The following FASTKD3 variants were observed in gnomAD, a reference collection of about 807,000 sequenced individuals.
The protein encoded by FASTKD3 is FAST kinase domains 3, also known as FAST kinase domain-containing protein 3, mitochondrial.
FASTKD3 carries 47 observed loss-of-function variants against 49.7 expected under a neutral mutation model. That is an observed-to-expected ratio of 0.95 (90% CI 0.75 to 1.21). The LOEUF (loss-of-function observed/expected upper bound fraction) is 1.21. FASTKD3 is among the 50% of genes most tolerant of loss of function. The pLI is 0.00. For synonymous variants in FASTKD3, 284 were observed against 288.6 expected, an observed-to-expected ratio of 0.98 and a Z score of 0.16; for missense variants, 748 against 765.7, an observed-to-expected ratio of 0.98 and a Z score of 0.27.
At position 7,868,080 on chromosome 5, in the gene FASTKD3, C is replaced by G. The variant is rs757877129; in HGVS notation, c.4G>C (p.Ala2Pro). 10 of 1,576,732 alleles carry G rather than the reference C, an allele frequency of 6.3e-6. No homozygotes were observed. Among genetic ancestry groups the G allele is most frequent in the Non-Finnish European group, 3.4e-6 (4 of 1,164,054 alleles). ...AGGTTCTTCCTCAAGGTGATTAATGCCATACCATCAGATTCTCAATTTGAT... is the reference window on the plus strand; with the variant it reads ...AGGTTCTTCCTCAAGGTGATTAATGGCATACCATCAGATTCTCAATTTGAT... M[A>P]LITLRKNLYR... Residue 2 changes from alanine to proline, a missense_variant, in exon 2 of 7, where the codon GCA becomes CCA. Physicochemically the swap from Ala to Pro is conservative, Grantham distance 27. Coordinates refer to ENST00000264669, the MANE Select transcript of FASTKD3 (RefSeq NM_024091.4).
At chr5:7,868,763 AT>A (rs1283898418) in intron 1 of FASTKD3, among the ~76,000 whole-genome samples, 1 of 152,062 alleles carries the variant, frequency 6.6e-6, no homozygotes, top group East Asian at 1.9e-4. Flanking sequence ...GTGCGGGGGG[AT>A]TTGGCAACAC....
At chr5:7,859,858 G>A (rs1746404055) in intron 6 of FASTKD3, among the ~76,000 whole-genome samples, 2 of 152,198 alleles carry the variant, frequency 1.3e-5, no homozygotes, top group African/African-American at 4.8e-5. Context: ...AAAACAAGCT[G>A]TAGGTTGGTG....
intron 3 of FASTKD3, among the ~76,000 whole-genome samples, chr5:7,865,192 G>T (rs1746856069): frequency 6.6e-6 from 1 of 152,084 alleles, no homozygotes; most frequent in South Asian, 2.1e-4. Flanking sequence ...TTTTAATACT[G>T]TTCCTTTAGA....
chr5:7,868,905 C>A (rs1747297577), intron 1 of FASTKD3, 74 bp downstream of exon 1: 1 of 605,860 alleles, frequency 1.7e-6, no homozygotes, highest in East Asian at 2.9e-5. Context: ...GGCGGCGCAG[C>A]CTGAGGAGAA....
In FASTKD3 at chr5:7,867,012, G is replaced by A. The variant is rs755893476; in HGVS notation, c.1072C>T (p.Arg358Cys). 17 of 1,614,190 alleles carry A rather than the reference G, an allele frequency of 1.1e-5. No homozygotes were observed. The Admixed American group carries it at 1.7e-4, about 16-fold the overall frequency. ...DTFFTKALEH[R>C]VAAVCLTLDP... ...AACGTGAGGCACACCGCAGCTACAC[G>A]ATGCTCTAGGGCTTTTGTAAAAAAT... The change falls in exon 2 of 7, where the codon CGT (arginine) becomes TGT (cysteine). Residue 358 changes from arginine to cysteine, a missense_variant. By Grantham distance (180) the Arg-to-Cys change is radical. Around this residue, in one of 3 missense-constraint regions of FASTKD3, gnomAD observed 564 missense variants for 562.8 expected, o/e 1.00. Transcript: ENST00000264669.
In FASTKD3 at chr5:7,866,896, A is replaced by G. The variant is rs1274449097; in HGVS notation, c.1188T>C (p.Phe396=). The G allele has an allele frequency of 4.3e-6, 7 of 1,614,098 alleles. No homozygotes were observed. Among genetic ancestry groups the G allele is most frequent in the Non-Finnish European group, 5.9e-6 (7 of 1,180,052 alleles). Residue 396 remains phenylalanine (F), a synonymous_variant, in exon 2 of 7, where the codon TTT becomes TTC. Transcript: ENST00000264669. ...GTGAAAATTTTTCTGTTTGGCAAAC[A>G]AAAGTTTCTGCCACTGCATTGAGGA... ...KPILNAVAET[F]VCQTEKFSPR...
intron 6 of FASTKD3, 136 bp from the exon 7 acceptor site, chr5:7,859,675 A>G: frequency 1.8e-6 from 1 of 552,828 alleles, no homozygotes; most frequent in Non-Finnish European, 3.2e-6. Flanking sequence ...TATCCCAACC[A>G]GCTTCTTCAT....
In FASTKD3 at chr5:7,866,846, T is replaced by C; in HGVS notation, c.1238A>G (p.Glu413Gly). 1.9e-6 allele frequency: 3 copies of C among 1,614,050 alleles called. No homozygotes were observed. The highest frequency in any genetic ancestry group is 1.7e-6 in the Non-Finnish European group (2 of 1,180,004). Residue 413 changes from glutamate (E) to glycine (G), a missense_variant, in exon 2 of 7, where the codon GAA becomes GGA. This residue lies in a region of FASTKD3 where 564 missense variants were observed against 562.8 expected (regional missense o/e 1.00). Transcript: ENST00000264669. Reference protein sequence around the residue: ...FSPRQISALMEPFGKLNYLPP... With the variant: ...FSPRQISALMGPFGKLNYLPP... ...CAAATAATTGAGTTTCCCAAATGGT[T>C]CCATTAAGGCAGAAATCTGACGAGG...
In FASTKD3 at chr5:7,867,901, A is replaced by G. The variant is rs778464630; in HGVS notation, c.183T>C (p.His61=). ...EPFGVKFHHA[H]CKKFHSKNGN... ...CATTTTTCGAATGAAACTTTTTACA[A>G]TGGGCATGATGGAATTTGACCCCGA... Residue 61 remains histidine (H), a synonymous_variant, in exon 2 of 7, where the codon CAT becomes CAC. Transcript: ENST00000264669. The G allele has an allele frequency of 1.9e-6, 3 of 1,614,024 alleles. No individual in the cohort carries two copies. Among genetic ancestry groups the G allele is most frequent in the South Asian group, 2.2e-5 (2 of 91,084 alleles).
rs775882684 is a variant in FASTKD3, at chr5:7,867,545, G to A, written c.539C>T (p.Thr180Ile). 6.8e-6 allele frequency: 11 copies of A among 1,614,116 alleles called. No individual in the cohort carries two copies. Among genetic ancestry groups the A allele is most frequent in the South Asian group, 4.4e-5 (4 of 91,092 alleles). The change falls in exon 2 of 7, where the codon ACT becomes ATT. Residue 180 changes from threonine (T) to isoleucine (I), a missense_variant. Around this residue, in one of 3 missense-constraint regions of FASTKD3, gnomAD observed 564 missense variants for 562.8 expected, o/e 1.00. Coordinates refer to ENST00000264669, the MANE Select transcript of FASTKD3 (RefSeq NM_024091.4). Reference sequence around the variant, plus strand: ...CAACAGAATCAGAGCTTGCAAAGCAGTCACTAAACTAGTGTTTGACAGCTG... The same window carrying A: ...CAACAGAATCAGAGCTTGCAAAGCAATCACTAAACTAGTGTTTGACAGCTG... ...PSQLSNTSLV[T>I]ALQALILLHV...
At chr5:7,868,886 C>T (rs1219741509) in intron 1 of FASTKD3, 93 bp downstream of exon 1, 2 of 576,184 alleles carry the variant, frequency 3.5e-6, no homozygotes, top group Non-Finnish European at 6.3e-6. Context: ...TGCGCTGAGA[C>T]ACGGGCCGGG....
Position 7,866,915 on chromosome 5 carries a change from T to C in FASTKD3, c.1169A>G (p.Asn390Ser), listed in dbSNP as rs1368916747. Reference sequence around the variant, plus strand: ...GCAAACAAAAGTTTCTGCCACTGCATTGAGGATGGGTTTTGAAAGAATCAG... The same window carrying C: ...GCAAACAAAAGTTTCTGCCACTGCACTGAGGATGGGTTTTGAAAGAATCAG... ...RELILSKPIL[N>S]AVAETFVCQT... Residue 390 changes from asparagine (N) to serine (S), a missense_variant, in exon 2 of 7, where the codon AAT (asparagine) becomes AGT (serine). By Grantham distance (46) the Asn-to-Ser change is conservative. Coordinates refer to ENST00000264669, the MANE Select transcript of FASTKD3 (RefSeq NM_024091.4). 18 of 1,614,064 alleles carry C rather than the reference T, an allele frequency of 1.1e-5. No individual in the cohort carries two copies. The highest frequency in any genetic ancestry group is 1.4e-5 in the Non-Finnish European group (17 of 1,180,044).
At chr5:7,863,106 C>A in intron 3 of FASTKD3, 109 bp from the exon 4 acceptor site, 2 of 911,334 alleles carry the variant, frequency 2.2e-6, no homozygotes, top group East Asian at 2.4e-5. Context: ...ACTTTATAGG[C>A]ATGATACTTT....
chr5:7,862,276 C>A (rs993590511), intron 4 of FASTKD3, among the ~76,000 whole-genome samples: 2 of 152,144 alleles, frequency 1.3e-5, no homozygotes, highest in Non-Finnish European at 2.9e-5. Flanking sequence ...CTTGTCAGTG[C>A]TGTCCAGGAG....
In FASTKD3 at chr5:7,868,982, G is replaced by A. The variant is rs372343059; in HGVS notation, c.-117C>T. On this transcript the variant is annotated 5_prime_UTR_variant, in exon 1 of 7. Coordinates refer to ENST00000264669, the MANE Select transcript of FASTKD3 (RefSeq NM_024091.4). ...GAGACCCCGCGTTGACACCTACCGCGCTCTGCCGGGCAATCACTCCGGGTG... is the reference window on the plus strand; with the variant it reads ...GAGACCCCGCGTTGACACCTACCGCACTCTGCCGGGCAATCACTCCGGGTG... 2.6e-4 allele frequency: 223 copies of A among 865,314 alleles called. No individual in the cohort carries two copies. Among genetic ancestry groups the A allele is most frequent in the Non-Finnish European group, 4.0e-4 (206 of 516,894 alleles). The allele number at this position is 865,314 out of a possible 1,614,324, so 53.6% of individuals were successfully genotyped here.
chr5:7,866,795 C>A lies in FASTKD3; in HGVS notation c.1289G>T (p.Arg430Ile), dbSNP rs780480840. 7 of 1,614,140 alleles carry A rather than the reference C, an allele frequency of 4.3e-6. No individual in the cohort carries two copies. The highest frequency in any genetic ancestry group is 5.9e-6 in the Non-Finnish European group (7 of 1,180,004). The change falls in exon 2 of 7, where the codon AGA becomes ATA. Residue 430 changes from arginine to isoleucine, a missense_variant. Arg to Ile is a moderately conservative substitution (Grantham distance 97). Coordinates refer to ENST00000264669, the MANE Select transcript of FASTKD3 (RefSeq NM_024091.4). Reference sequence around the variant, plus strand: ...AGTGAATAGCACGTTTTCCAGCTTTCTAAATAAAGCAGAGGCATTTGGTGG... The same window carrying A: ...AGTGAATAGCACGTTTTCCAGCTTTATAAATAAAGCAGAGGCATTTGGTGG... ...YLPPNASALF[R>I]KLENVLFTHF...
Position 7,867,030 on chromosome 5 carries a change from T to TA in FASTKD3, c.1053dup (p.Thr352TyrfsTer18). ...GCTACACGATGCTCTAGGGCTTTTGTAAAAAATGTGTCATGGTGCCCAAAA... is the reference window on the plus strand; with the variant it reads ...GCTACACGATGCTCTAGGGCTTTTGTAAAAAAATGTGTCATGGTGCCCAAAA... On this transcript the variant is annotated frameshift_variant, in exon 2 of 7. Transcript: ENST00000264669. LOFTEE classifies it high-confidence loss of function. 4 of 1,614,146 alleles carry TA rather than the reference T, an allele frequency of 2.5e-6. No individual in the cohort carries two copies. Among genetic ancestry groups the TA allele is most frequent in the Non-Finnish European group, 3.4e-6 (4 of 1,180,014 alleles).
In FASTKD3 at chr5:7,867,325, C is replaced by T. The variant is rs745685864; in HGVS notation, c.759G>A (p.Pro253=). 15 of 1,613,846 alleles carry T rather than the reference C, an allele frequency of 9.3e-6. No individual in the cohort carries two copies. Among genetic ancestry groups the T allele is most frequent in the African/African-American group, 1.3e-5 (1 of 74,928 alleles). ...LQGEKLETFT[P]EDIVALYRIL... ...TTCTATAAAGGGCCACAATATCCTC[C>T]GGGGTAAATGTTTCCAATTTTTCAC... Residue 253 remains proline (P), a synonymous_variant, in exon 2 of 7, where the codon CCG becomes CCA. Transcript: ENST00000264669.
chr5:7,859,518 T>A lies in FASTKD3; in HGVS notation c.1906A>T (p.Met636Leu). 6.2e-7 allele frequency: 1 copy of A among 1,603,652 alleles called. No individual in the cohort carries two copies. Among genetic ancestry groups the A allele is most frequent in the Non-Finnish European group, 8.5e-7 (1 of 1,174,466 alleles). The part of the protein sequence containing the change: ...VVQIPYHEIG[M>L]LKSRRELVEY... The stretch of plus-strand genomic sequence containing the variant: ...ACCAATTCACGTCTTGATTTTAGCA[T>A]CCCAATCTCATGATAGGGGATCTGT... Residue 636 changes from methionine (M) to leucine (L), a missense_variant, in exon 7 of 7, where the codon ATG becomes TTG. Met to Leu is a conservative substitution (Grantham distance 15). Transcript: ENST00000264669.
Sources: gnomAD v4.1 joint callset for allele counts (sites outside exome capture counted in the v4.1 genomes callset) on GRCh38, gnomAD v4.1.1 for gene constraint, gnomAD v4.1.1 regional missense constraint, MANE v1.5 for transcripts, NCBI Gene and HGNC (gene_info 2026-07-23, HGNC 2026-07-21) for gene names.